SDK1: variants seen among roughly 807,000 people sequenced by gnomAD.
SDK1 encodes the protein protein sidekick-1.
In SDK1, 157 loss-of-function variants were observed where a neutral mutation model predicts 245.5. The ratio of observed to expected loss-of-function variants is 0.64; its 90% CI spans 0.56 to 0.73. The LOEUF is 0.73. Ranked by LOEUF, SDK1 falls within the 30% of genes least tolerant of loss-of-function variation. SDK1 has a pLI of 0.00. For missense variants in SDK1, 3,583 were observed against 3,002.3 expected, an observed-to-expected ratio of 1.19 and a Z score of -4.52; for synonymous variants, 1,647 against 1,278.5, an observed-to-expected ratio of 1.29 and a Z score of -6.15.
chr7:3,405,086 T>C (rs1348346473), intron 1 of SDK1, among the ~76,000 whole-genome samples: 1 of 151,870 alleles, frequency 6.6e-6, no homozygotes, highest in African/African-American at 2.4e-5. Flanking sequence ...TGGAAAGCCT[T>C]GGTTTTCTTA....
intron 4 of SDK1, among the ~76,000 whole-genome samples, chr7:3,655,489 A>ATG (rs1392944964): frequency 3.4e-5 from 2 of 59,552 alleles, no homozygotes; most frequent in Admixed American, 1.9e-4. Context: ...ATATATATAT[A>ATG]TATATATATA....
intron 1 of SDK1, among the ~76,000 whole-genome samples, chr7:3,382,816 A>G (rs1348368196): frequency 1.3e-5 from 2 of 152,190 alleles, no homozygotes; most frequent in Non-Finnish European, 2.9e-5. Flanking sequence ...CATCTGATTC[A>G]TTGAGTGGTA....
intron 1 of SDK1, among the ~76,000 whole-genome samples, chr7:3,584,491 A>C (rs1248715895): frequency 6.6e-6 from 1 of 152,126 alleles, no homozygotes; most frequent in Non-Finnish European, 1.5e-5. Flanking sequence ...GCCTGGCCCC[A>C]CCTGAAGTCC....
intron 4 of SDK1, among the ~76,000 whole-genome samples, chr7:3,819,156 C>G (rs1409256070): frequency 6.6e-6 from 1 of 151,658 alleles, no homozygotes; most frequent in African/African-American, 2.4e-5. Flanking sequence ...GGAACAAAGA[C>G]TTGGTTTCTG....
At chr7:3,623,398 G>C (rs900333874) in intron 2 of SDK1, among the ~76,000 whole-genome samples, 1 of 151,818 alleles carries the variant, frequency 6.6e-6, no homozygotes. Context: ...GTGTCACCAC[G>C]CCTGGCTAAT....
chr7:3,535,570 C>T (rs759636625), intron 1 of SDK1, among the ~76,000 whole-genome samples: 17 of 152,106 alleles, frequency 1.1e-4, no homozygotes, highest in Non-Finnish European at 2.2e-4. Context: ...TGAAAGTTTT[C>T]TCAGCTGTAA....
chr7:3,709,715 A>G (rs1022746606), intron 4 of SDK1, among the ~76,000 whole-genome samples: 2 of 152,238 alleles, frequency 1.3e-5, no homozygotes, highest in African/African-American at 4.8e-5. Context: ...AAGTTTTCCT[A>G]TTTTTAAAGT....
chr7:3,709,253 C>A (rs1043353005), intron 4 of SDK1, among the ~76,000 whole-genome samples: 1 of 152,210 alleles, frequency 6.6e-6, no homozygotes, highest in African/African-American at 2.4e-5. Context: ...GTTTAAGGAG[C>A]CTCAAGATAG....
chr7:4,015,526 A>G (rs1786324437), intron 16 of SDK1, among the ~76,000 whole-genome samples: 1 of 152,146 alleles, frequency 6.6e-6, no homozygotes, highest in Non-Finnish European at 1.5e-5. Context: ...ACACAGGTGA[A>G]TCCATGCCAA....
chr7:3,762,678 A>C (rs1490160770), intron 4 of SDK1, among the ~76,000 whole-genome samples: 1 of 152,206 alleles, frequency 6.6e-6, no homozygotes, highest in African/African-American at 2.4e-5. Context: ...GCAAATATTT[A>C]ACAGAGGGGA....
chr7:3,382,239 G>T lies in SDK1; in HGVS notation c.298+80355G>T, dbSNP rs527540294. Among the ~76,000 whole-genome samples, 3 of 151,818 alleles carry T rather than the reference G, an allele frequency of 2.0e-5. No individual in the cohort carries two copies. The South Asian group carries it at 6.3e-4, about 32-fold the overall frequency. On this transcript the variant is annotated intron_variant, in intron 1 of 44. Transcript: ENST00000404826. ...TCCCGCCTCTGCCTCCCAAAGTGCT[G>T]GGATTACAGGCATGAACCATAGCAC...
At chr7:3,331,949 T>C (rs549196237) in intron 1 of SDK1, among the ~76,000 whole-genome samples, 2 of 152,328 alleles carry the variant, frequency 1.3e-5, no homozygotes, top group Non-Finnish European at 2.9e-5. Flanking sequence ...AGTTACTGCT[T>C]ACTTTACAGG....
intron 19 of SDK1, among the ~76,000 whole-genome samples, chr7:4,056,994 A>C (rs1779245176): frequency 6.6e-6 from 1 of 152,174 alleles, no homozygotes; most frequent in African/African-American, 2.4e-5. Context: ...AACCATTGGC[A>C]GTGACCCCCA....
rs1161664296 is a variant in SDK1, at chr7:4,026,977, T to G, written c.2602+9625T>G. Among the ~76,000 whole-genome samples, 1 of 152,198 alleles carries G rather than the reference T, an allele frequency of 6.6e-6. No individual in the cohort carries two copies. The highest frequency in any genetic ancestry group is 2.4e-5 in the African/African-American group (1 of 41,458). On this transcript the variant is annotated intron_variant, in intron 17 of 44. Coordinates refer to ENST00000404826, the MANE Select transcript of SDK1 (RefSeq NM_152744.4). This position sits in a 1 kb window ranked among gnomAD's most constrained non-coding sequence, Gnocchi z 4.1. ...CTGTGAATCCCTGCTGTGTTCTGGA[T>G]AGATGCATCAGTCCCTTATAGTTTA...
At chr7:4,013,185 G>C (rs932717557) in intron 16 of SDK1, among the ~76,000 whole-genome samples, 18 of 152,182 alleles carry the variant, frequency 1.2e-4, no homozygotes, top group African/African-American at 3.9e-4. Context: ...GGACAGTTAG[G>C]CTTCTAGAAT....
At chr7:3,418,470 C>G (rs1365985620) in intron 1 of SDK1, among the ~76,000 whole-genome samples, 3 of 152,134 alleles carry the variant, frequency 2.0e-5, no homozygotes, top group African/African-American at 7.2e-5. Context: ...TTTCTGATCT[C>G]TGCTTATCAC....
intron 22 of SDK1, among the ~76,000 whole-genome samples, chr7:4,107,430 T>G (rs1473155611): frequency 6.6e-6 from 1 of 152,034 alleles, no homozygotes; most frequent in Admixed American, 6.5e-5. Context: ...ACGTGATTGA[T>G]AAAAGGTGCT....
intron 1 of SDK1, among the ~76,000 whole-genome samples, chr7:3,540,043 T>G (rs1489468038): frequency 6.6e-6 from 1 of 152,200 alleles, no homozygotes; most frequent in Admixed American, 6.5e-5. Flanking sequence ...ATATTTTGAG[T>G]CACAAAAAAA....
intron 5 of SDK1, among the ~76,000 whole-genome samples, chr7:3,947,675 CTT>C (rs1202302637): frequency 2.0e-5 from 3 of 150,696 alleles, no homozygotes; most frequent in Non-Finnish European, 3.0e-5. Context: ...ATCTATATAT[CTT>C]TTTAAAATAT....
Sources: allele counts gnomAD v4.1 joint callset (sites outside exome capture counted in the v4.1 genomes callset), GRCh38; gene constraint gnomAD v4.1.1; non-coding constraint Gnocchi (gnomAD v3.1); transcripts MANE v1.5; gene names NCBI Gene and HGNC (gene_info 2026-07-23, HGNC 2026-07-21).